Variants in SH3GL3 observed in about 807,000 individuals in gnomAD.
SH3GL3 encodes the protein SH3 domain containing GRB2 like 3, endophilin A3.
Under a neutral mutation model 47.7 loss-of-function variants are expected in SH3GL3, and 33 were observed. The observed-to-expected ratio is 0.69, with a 90% confidence interval of 0.52 to 0.92. The LOEUF is 0.92. Ranked by LOEUF, SH3GL3 falls within the 40% of genes least tolerant of loss-of-function variation. The pLI is 0.00. For synonymous variants in SH3GL3, 155 were observed against 148.8 expected, an observed-to-expected ratio of 1.04 and a Z score of -0.30; for missense variants, 363 against 417.8, an observed-to-expected ratio of 0.87 and a Z score of 1.14.
At chr15:83,536,742 A>G (rs977945266) in intron 1 of SH3GL3, among the ~76,000 whole-genome samples, 18 of 149,340 alleles carry the variant, frequency 1.2e-4, no homozygotes, top group Admixed American at 1.3e-4. Flanking sequence ...TTCTGTGCTC[A>G]CTCTTTTTTA....
At chr15:83,585,763 A>C (rs2059938123) in intron 6 of SH3GL3, among the ~76,000 whole-genome samples, 1 of 152,226 alleles carries the variant, frequency 6.6e-6, no homozygotes, top group South Asian at 2.1e-4. Flanking sequence ...GAAACCCGAC[A>C]GGATTTCATT....
At position 83,591,778 on chromosome 15, in the gene SH3GL3, T is replaced by C. The variant is rs376829370; in HGVS notation, c.838+3007T>C. ...TCGGCTCACTGCAAGCTCCGCCTCC[T>C]GGGTTCAGGCCATTCTCCTGCCTCG... On this transcript the variant is annotated intron_variant, in intron 8 of 8. Transcript: ENST00000427482. Among the ~76,000 whole-genome samples the C allele has an allele frequency of 9.2e-5, 14 of 152,294 alleles. No individual in the cohort carries two copies. In the South Asian group the frequency reaches 2.9e-3, roughly 32 times the overall value.
intron 1 of SH3GL3, among the ~76,000 whole-genome samples, chr15:83,450,748 G>T (rs1595993609): frequency 1.5e-4 from 15 of 100,312 alleles, no homozygotes; most frequent in South Asian, 9.7e-4. Flanking sequence ...TTATTAAAAT[G>T]GGATATTTTT....
At chr15:83,466,565 T>C (rs1166211640) in intron 1 of SH3GL3, among the ~76,000 whole-genome samples, 1 of 152,142 alleles carries the variant, frequency 6.6e-6, no homozygotes, top group Non-Finnish European at 1.5e-5. Flanking sequence ...AAGGTACTAC[T>C]TTGCAGGTAT....
chr15:83,595,576 G>A lies in SH3GL3; in HGVS notation c.838+6805G>A, dbSNP rs184114634. ...CTGCTGATATTGATCTTGGTCTGCT[G>A]GCTGAGGCAGTATTTGTCAGCTCTC... is the stretch of plus-strand genomic sequence containing the variant. On this transcript the variant is annotated intron_variant, in intron 8 of 8. Transcript: ENST00000427482. 1.0e-3 allele frequency among the ~76,000 whole-genome samples: 149 copies of A among 148,232 alleles called. 1 individual carries two copies. The highest frequency in any genetic ancestry group is 8.0e-3 in the South Asian group (38 of 4,724).
intron 1 of SH3GL3, among the ~76,000 whole-genome samples, chr15:83,540,596 T>C (rs1203465760): frequency 6.6e-6 from 1 of 152,160 alleles, no homozygotes; most frequent in Admixed American, 6.5e-5. Context: ...TAAAGGTTTT[T>C]ATTGTTGATG....
chr15:83,478,206 A>G (rs940562604), intron 1 of SH3GL3, among the ~76,000 whole-genome samples: 3 of 152,134 alleles, frequency 2.0e-5, no homozygotes, highest in Non-Finnish European at 4.4e-5. Flanking sequence ...CGGGAGGGCA[A>G]CTGTTAGATT....
intron 1 of SH3GL3, among the ~76,000 whole-genome samples, chr15:83,489,854 GATA>G (rs1567265800): frequency 2.8e-5 from 3 of 105,722 alleles, no homozygotes; most frequent in Non-Finnish European, 4.3e-5. Flanking sequence ...TAGATAGATA[GATA>G]GATAGATAGA....
chr15:83,632,864 A>C, the SH3GL3 span, among the ~76,000 whole-genome samples: 4 of 152,232 alleles, frequency 2.6e-5, no homozygotes, highest in Non-Finnish European at 5.9e-5. Flanking sequence ...GAATTCTCAT[A>C]ATAAGCAATT....
chr15:83,507,146 C>T lies in SH3GL3; in HGVS notation c.46-52107C>T, dbSNP rs536943097. Among the ~76,000 whole-genome samples the T allele has an allele frequency of 1.5e-3, 233 of 151,882 alleles. 1 individual carries two copies. The highest frequency in any genetic ancestry group is 2.2e-3 in the Non-Finnish European group (150 of 67,950). The stretch of plus-strand genomic sequence containing the variant: ...TCAGCCTCCCAAGTAGCTGGGACTA[C>T]AGGCGCCCACCACCATGCCTGGCTA... On this transcript the variant is annotated intron_variant, in intron 1 of 8. Transcript: ENST00000427482.
chr15:83,518,496 G>A (rs942020027), intron 1 of SH3GL3, among the ~76,000 whole-genome samples: 1 of 152,048 alleles, frequency 6.6e-6, no homozygotes, highest in Non-Finnish European at 1.5e-5. Context: ...TTAGAGATGT[G>A]GAGCATTTTT....
intron 7 of SH3GL3, among the ~76,000 whole-genome samples, chr15:83,588,017 G>A (rs1179099464): frequency 6.6e-6 from 1 of 152,186 alleles, no homozygotes; most frequent in Non-Finnish European, 1.5e-5. Flanking sequence ...TATAAGAGTA[G>A]AGTGAGGGAG....
chr15:83,570,048 G>C (rs1220058201), intron 4 of SH3GL3, among the ~76,000 whole-genome samples: 1 of 151,962 alleles, frequency 6.6e-6, no homozygotes, highest in Non-Finnish European at 1.5e-5. Context: ...ATGGTTTCTA[G>C]CTTTTTGGAA....
chr15:83,557,922 CTG>C (rs2045046288), intron 1 of SH3GL3, among the ~76,000 whole-genome samples: 1 of 152,176 alleles, frequency 6.6e-6, no homozygotes, highest in African/African-American at 2.4e-5. Context: ...TCTTCTGTAT[CTG>C]TTGTCTTCAA....
intron 1 of SH3GL3, among the ~76,000 whole-genome samples, chr15:83,542,174 C>G (rs1388941906): frequency 6.6e-6 from 1 of 152,126 alleles, no homozygotes; most frequent in Non-Finnish European, 1.5e-5. Flanking sequence ...TCTAGTTTCA[C>G]TCTTCTGCAT....
At chr15:83,603,162 G>A (rs1240642590) in intron 8 of SH3GL3, among the ~76,000 whole-genome samples, 1 of 152,022 alleles carries the variant, frequency 6.6e-6, no homozygotes, top group Non-Finnish European at 1.5e-5. Flanking sequence ...ACCACGCCTG[G>A]CCAATTTTTG....
chr15:83,512,856 T>C (rs890100324), intron 1 of SH3GL3, among the ~76,000 whole-genome samples: 1 of 152,174 alleles, frequency 6.6e-6, no homozygotes, highest in Admixed American at 6.5e-5. Context: ...GAGTACTCAT[T>C]AACTAGATGA....
intron 1 of SH3GL3, among the ~76,000 whole-genome samples, chr15:83,468,059 T>C (rs892203202): frequency 6.6e-6 from 1 of 152,212 alleles, no homozygotes; most frequent in African/African-American, 2.4e-5. Flanking sequence ...CTCGATCTCC[T>C]GACCTTGTGA....
intron 5 of SH3GL3, among the ~76,000 whole-genome samples, chr15:83,575,746 C>T (rs1430792517): frequency 2.0e-5 from 3 of 152,204 alleles, no homozygotes; most frequent in Non-Finnish European, 2.9e-5. Flanking sequence ...ATGAATAGTG[C>T]GAGCTATCCC....
Sources: gnomAD v4.1 joint callset for allele counts (sites outside exome capture counted in the v4.1 genomes callset) on GRCh38, gnomAD v4.1.1 for gene constraint, MANE v1.5 for transcripts, NCBI Gene and HGNC (gene_info 2026-07-23, HGNC 2026-07-21) for gene names.